The following CCDC28B variants were observed in gnomAD, a reference collection of about 807,000 sequenced individuals.
CCDC28B encodes the protein coiled-coil domain containing 28B, also known as coiled-coil domain-containing protein 28B.
In CCDC28B, 17 loss-of-function variants were observed where a neutral mutation model predicts 18.7. The observed-to-expected ratio is 0.91, with a 90% CI of 0.62 to 1.36. CCDC28B has a LOEUF of 1.36. Ranked by LOEUF, CCDC28B falls within the 40% of genes most tolerant of loss-of-function variation. The probability of loss-of-function intolerance (pLI) is 0.00; values close to 1 mark genes in which losing one functional copy is unlikely to be tolerated. For synonymous variants in CCDC28B, 116 were observed against 105.1 expected, an observed-to-expected ratio of 1.10 and a Z score of -0.64; for missense variants, 213 against 251.7, an observed-to-expected ratio of 0.85 and a Z score of 1.04.
intron 5 of CCDC28B, chr1:32,204,838 A>C (rs762389449): frequency 1.3e-6 from 2 of 1,553,170 alleles, no homozygotes; most frequent in Non-Finnish European, 1.7e-6. Flanking sequence ...TACTGATCAA[A>C]ATCTTTGTGA....
In CCDC28B at chr1:32,205,099, C is replaced by A. The variant is rs1366622814; in HGVS notation, c.549-95C>A. 2.0e-6 allele frequency: 3 copies of A among 1,497,248 alleles called. No homozygotes were observed. Among genetic ancestry groups the A allele is most frequent in the Admixed American group, 1.9e-5 (1 of 52,364 alleles). The allele number at this position is 1,497,248 out of a possible 1,614,324, so 92.7% of individuals were successfully genotyped here. On this transcript the variant is annotated intron_variant, in intron 5 of 5. Transcript: ENST00000373602. The surrounding 1 kb of genome is among the most constrained non-coding windows in gnomAD (Gnocchi z 5.6). ...CGGCCCGAGACCCTCGTCCCCGGCC[C>A]TTTGCACAGGTGAGGGAACTAAACC...
At chr1:32,201,758 G>A in intron 1 of CCDC28B, 155 bp from the exon 2 acceptor site, 1 of 624,316 alleles carries the variant, frequency 1.6e-6, no homozygotes, top group Non-Finnish European at 2.8e-6. Flanking sequence ...CACGATCCCA[G>A]CAGCAGACAC....
rs1223738162 is a variant in CCDC28B, at chr1:32,203,868, AC to A, written c.165-7del. ...CTACCCTGTGATCATGGTCATGTCC[AC>A]CCCACCCAGAGTAGGCAAAGAGAAG... On this transcript the variant is annotated splice_polypyrimidine_tract_variant and intron_variant, in intron 2 of 5. Coordinates refer to ENST00000373602, the MANE Select transcript of CCDC28B (RefSeq NM_024296.5). The A allele has an allele frequency of 1.3e-6, 2 of 1,498,596 alleles. No homozygotes were observed. The highest frequency in any genetic ancestry group is 1.4e-5 in the South Asian group (1 of 72,670). 92.8% of individuals were successfully genotyped at this position (1,498,596 alleles called of 1,614,324 possible).
chr1:32,204,978 G>A (rs1643274584), intron 5 of CCDC28B: 3 of 1,252,220 alleles, frequency 2.4e-6, no homozygotes, highest in Admixed American at 2.7e-5. Context: ...GCGCGAGTGC[G>A]CGCGCACACA....
intron 2 of CCDC28B, 133 bp downstream of exon 2, chr1:32,202,232 C>G: frequency 8.5e-7 from 1 of 1,181,722 alleles, no homozygotes; most frequent in Admixed American, 2.0e-5. Context: ...CCCCTGAGAA[C>G]TCAGAGCTCA....
In CCDC28B at chr1:32,205,028, A is replaced by T; in HGVS notation, c.549-166A>T. ...ACCTGCACGATCTGGATGAAGAGAG[A>T]GGGGGTGAGAGAGGGCAGGCGGGGA... is the stretch of plus-strand genomic sequence containing the variant. On this transcript the variant is annotated intron_variant, in intron 5 of 5. Transcript: ENST00000373602. The surrounding 1 kb of genome is among the most constrained non-coding windows in gnomAD (Gnocchi z 5.6). The T allele has an allele frequency of 8.6e-7, 1 of 1,163,064 alleles. No homozygotes were observed. The allele number at this position is 1,163,064 out of a possible 1,614,324, so 72.0% of individuals were successfully genotyped here.
chr1:32,204,281 G>A lies in CCDC28B; in HGVS notation c.427G>A (p.Glu143Lys), dbSNP rs769135906. Residue 143 changes from glutamate to lysine, a missense_variant, in exon 4 of 6, where the codon GAG becomes AAG. Transcript: ENST00000373602. Reference sequence around the variant, plus strand: ...CAGCCTGGATGTGTGTGGGGAGGAGGAGGACGATGAAGAGGAAGAGGATGG... The same window carrying A: ...CAGCCTGGATGTGTGTGGGGAGGAGAAGGACGATGAAGAGGAAGAGGATGG... ...HFSLDVCGEE[E>K]DDEEEEDGVT... The A allele has an allele frequency of 6.2e-7, 1 of 1,614,006 alleles. No homozygotes were observed. Among genetic ancestry groups the A allele is most frequent in the Admixed American group, 1.7e-5 (1 of 60,006 alleles).
At position 32,205,020 on chromosome 1, in the gene CCDC28B, GAAGA is replaced by G. The variant is rs1643276233; in HGVS notation, c.549-173_549-170del. The G allele has an allele frequency of 8.5e-7, 1 of 1,176,276 alleles. No homozygotes were observed. The highest frequency in any genetic ancestry group is 2.8e-5 in the Admixed American group (1 of 36,314). 72.9% of individuals were successfully genotyped at this position (1,176,276 alleles called of 1,614,324 possible). On this transcript the variant is annotated intron_variant, in intron 5 of 5. Transcript: ENST00000373602. This position sits in a 1 kb window ranked among gnomAD's most constrained non-coding sequence, Gnocchi z 5.6. ...TGTGTCTGACCTGCACGATCTGGAT[GAAGA>G]GAGAGGGGGTGAGAGAGGGCAGGCG...
chr1:32,198,491 C>G (rs1204746709), upstream of CCDC28B, among the ~76,000 whole-genome samples: 1 of 152,192 alleles, frequency 6.6e-6, no homozygotes, highest in Non-Finnish European at 1.5e-5. Flanking sequence ...GAGCCCTTGG[C>G]AAAGTTGGCA....
chr1:32,201,297 G>T (rs1436361134), intron 1 of CCDC28B, among the ~76,000 whole-genome samples: 1 of 152,208 alleles, frequency 6.6e-6, no homozygotes, highest in Non-Finnish European at 1.5e-5. Context: ...ACACCCGCGG[G>T]ACCTATAGGG....
At chr1:32,199,476 G>A (rs1230386320), upstream of CCDC28B, among the ~76,000 whole-genome samples, 1 of 152,184 alleles carries the variant, frequency 6.6e-6, no homozygotes. Flanking sequence ...CCACAGGGGT[G>A]CTCCCTCTGT....
chr1:32,202,148 C>T (rs1350944447), intron 2 of CCDC28B, 49 bp downstream of exon 2: 2 of 1,611,088 alleles, frequency 1.2e-6, no homozygotes, highest in Admixed American at 1.7e-5. Flanking sequence ...CTCTGGGTTG[C>T]ACTGTAGAGA....
intron 1 of CCDC28B, chr1:32,201,699 G>T: frequency 2.6e-6 from 1 of 390,376 alleles, no homozygotes. Context: ...AGGTTTTCAG[G>T]CAGAAGGGGA....
chr1:32,198,262 TTAAA>T (rs1361116985), upstream of CCDC28B: 2 of 152,270 alleles, frequency 1.3e-5, no homozygotes, highest in Non-Finnish European at 2.9e-5. Flanking sequence ...TTAAACCACA[TTAAA>T]TAAAGAGTCT....
chr1:32,199,555 T>C (rs530358522), upstream of CCDC28B, among the ~76,000 whole-genome samples: 6 of 152,310 alleles, frequency 3.9e-5, no homozygotes, highest in South Asian at 6.2e-4. Flanking sequence ...TTGTCCCCAG[T>C]CTGGGCCCCT....
chr1:32,203,995 G>A lies in CCDC28B; in HGVS notation c.281G>A (p.Gly94Glu), dbSNP rs200163249. Reference sequence around the variant, plus strand: ...ACTGATGTCTATGAGATGGAGGGGGGACTCCTGAACCTGCTCAATGATTTC... The same window carrying A: ...ACTGATGTCTATGAGATGGAGGGGGAACTCCTGAACCTGCTCAATGATTTC... ...EVTDVYEMEG[G>E]LLNLLNDFHS... The change falls in exon 3 of 6, where the codon GGA (glycine) becomes GAA (glutamate). Residue 94 changes from glycine to glutamate, a missense_variant. By Grantham distance (98) the Gly-to-Glu change is moderately conservative. Coordinates refer to ENST00000373602, the MANE Select transcript of CCDC28B (RefSeq NM_024296.5). 8 of 1,574,662 alleles carry A rather than the reference G, an allele frequency of 5.1e-6. No individual in the cohort carries two copies. Among genetic ancestry groups the A allele is most frequent in the Admixed American group, 1.8e-5 (1 of 54,062 alleles).
upstream of CCDC28B, among the ~76,000 whole-genome samples, chr1:32,199,196 C>T (rs770901891): frequency 6.6e-6 from 1 of 152,174 alleles, no homozygotes; most frequent in Admixed American, 6.5e-5. Flanking sequence ...TGCTGAATGC[C>T]CAGGAAATGG....
chr1:32,205,041 G>C lies in CCDC28B; in HGVS notation c.549-153G>C, dbSNP rs1643278733. ...GGATGAAGAGAGAGGGGGTGAGAGA[G>C]GGCAGGCGGGGACTGCAACCTCAGT... On this transcript the variant is annotated intron_variant, in intron 5 of 5. Transcript: ENST00000373602. This position sits in a 1 kb window ranked among gnomAD's most constrained non-coding sequence, Gnocchi z 5.6. 10 of 1,169,394 alleles carry C rather than the reference G, an allele frequency of 8.6e-6. No individual in the cohort carries two copies. The South Asian group carries it at 9.5e-5, about 11-fold the overall frequency. The allele number at this position is 1,169,394 out of a possible 1,614,324, so 72.4% of individuals were successfully genotyped here. A position where few individuals can be genotyped will look rare whatever the true frequency, so the allele number is the denominator to read the frequency against.
chr1:32,204,046 G>C lies in CCDC28B; in HGVS notation c.331+1G>C, dbSNP rs762587976. 3 of 1,555,148 alleles carry C rather than the reference G, an allele frequency of 1.9e-6. No individual in the cohort carries two copies. Among genetic ancestry groups the C allele is most frequent in the Middle Eastern group, 1.7e-4 (1 of 5,760 alleles). On this transcript the variant is annotated splice_donor_variant, in intron 3 of 5. Coordinates refer to ENST00000373602, the MANE Select transcript of CCDC28B (RefSeq NM_024296.5). LOFTEE classifies it high-confidence loss of function. ...CACTCTGGCCGGCTGCAGGCCTTCG[G>C]TGAGTCCTGGGGGCTGGTTTCAGCG...
Sources: allele counts gnomAD v4.1 joint callset (sites outside exome capture counted in the v4.1 genomes callset), GRCh38; gene constraint gnomAD v4.1.1; non-coding constraint Gnocchi (gnomAD v3.1); transcripts MANE v1.5; gene names NCBI Gene and HGNC (gene_info 2026-07-23, HGNC 2026-07-21).